Variants in SLC10A1 observed in about 807,000 individuals in gnomAD.
The protein encoded by SLC10A1 is solute carrier family 10 member 1, also known as hepatic sodium/bile acid cotransporter.
In SLC10A1, 36 loss-of-function variants were observed where a neutral mutation model predicts 20.5. That is an observed-to-expected ratio of 1.75 (90% CI 1.34 to 2.32). SLC10A1 has a LOEUF of 2.32. Ranked by LOEUF, SLC10A1 falls within the 30% of genes most tolerant of loss-of-function variation. The pLI, the probability that SLC10A1 is intolerant of heterozygous loss-of-function variation, is 0.00. For missense variants in SLC10A1, 545 were observed against 439.1 expected, an observed-to-expected ratio of 1.24 and a Z score of -2.16; for synonymous variants, 188 against 163.6, an observed-to-expected ratio of 1.15 and a Z score of -1.14.
Position 69,778,246 on chromosome 14 carries a change from A to G in SLC10A1, c.943+87T>C, listed in dbSNP as rs184256001. 3.5e-5 allele frequency: 41 copies of G among 1,180,804 alleles called. No individual in the cohort carries two copies. In the Admixed American group the frequency reaches 5.9e-4, roughly 17 times the overall value. The allele number at this position is 1,180,804 out of a possible 1,614,324, so 73.1% of individuals were successfully genotyped here. A position where few individuals can be genotyped will look rare whatever the true frequency, so the allele number is the denominator to read the frequency against. On this transcript the variant is annotated intron_variant, in intron 4 of 4. Transcript: ENST00000216540. The stretch of plus-strand genomic sequence containing the variant: ...TTGATAAGAGTTAAAGCCCTATCCA[A>G]AAAGTCCCTGCTAGAAACTTGCTTG...
rs201749991 is a variant in SLC10A1, at chr14:69,779,181, C to G, written c.746+1G>C. ...TTCTTAAAAAAAAAAAAAATACCTA[C>G]CGTCCATTGAGGCAGAAGAGAGCAG... On this transcript the variant is annotated splice_donor_variant, in intron 3 of 4. Transcript: ENST00000216540. LOFTEE classifies it high-confidence loss of function. 1 of 1,580,406 alleles carries G rather than the reference C, an allele frequency of 6.3e-7. No individual in the cohort carries two copies. Among genetic ancestry groups the G allele is most frequent in the Non-Finnish European group, 8.6e-7 (1 of 1,167,106 alleles).
chr14:69,782,223 G>A (rs1883608015), intron 2 of SLC10A1, among the ~76,000 whole-genome samples: 2 of 152,182 alleles, frequency 1.3e-5, no homozygotes, highest in Non-Finnish European at 2.9e-5. Context: ...GGGGCAAAAT[G>A]GGTCCAGGGC....
intron 2 of SLC10A1, among the ~76,000 whole-genome samples, chr14:69,784,888 C>G (rs1252260955): frequency 6.6e-6 from 1 of 152,132 alleles, no homozygotes; most frequent in Non-Finnish European, 1.5e-5. Context: ...GGAAGGGGAG[C>G]TGTGGCCATG....
At chr14:69,790,790 A>G (rs1355795968) in intron 1 of SLC10A1, among the ~76,000 whole-genome samples, 2 of 152,244 alleles carry the variant, frequency 1.3e-5, no homozygotes, top group Admixed American at 1.3e-4. Flanking sequence ...TAGTAAGCAC[A>G]GCAAAACAAG....
rs199771927 is a variant in SLC10A1 at position 69,786,105 on chromosome 14, C to G, written c.559G>C (p.Val187Leu). 19 of 1,614,082 alleles carry G rather than the reference C, an allele frequency of 1.2e-5. No individual in the cohort carries two copies. Among genetic ancestry groups the G allele is most frequent in the Non-Finnish European group, 1.4e-5 (17 of 1,179,962 alleles). ...GCCTCCCAGGTTCTTACCTTGATGA[C>G]ATAGCGCATGTATTGTGGCCGTTTG... is the stretch of plus-strand genomic sequence containing the variant. ...KSKRPQYMRY[V>L]IKGGMIIILL... The change falls in exon 2 of 5, where the codon GTC (valine) becomes CTC (leucine). Residue 187 changes from valine (V) to leucine (L), a missense_variant. Val to Leu is a conservative substitution (Grantham distance 32). Transcript: ENST00000216540.
chr14:69,775,769 A>C lies in SLC10A1; in HGVS notation c.*513T>G, dbSNP rs913670544. 5.9e-5 allele frequency: 9 copies of C among 152,520 alleles called. No homozygotes were observed. Among genetic ancestry groups the C allele is most frequent in the Admixed American group, 4.6e-4 (7 of 15,320 alleles). 9.4% of individuals were successfully genotyped at this position (152,520 alleles called of 1,614,324 possible). A position where few individuals can be genotyped will look rare whatever the true frequency, so the allele number is the denominator to read the frequency against. On this transcript the variant is annotated 3_prime_UTR_variant, in exon 5 of 5. Coordinates refer to ENST00000216540, the MANE Select transcript of SLC10A1 (RefSeq NM_003049.4). ...GTTCACTTTTGCATACTTGATGTCA[A>C]ATTTGACTTTTCGGGAGCATCATCC...
rs56878770 is a variant in SLC10A1 at position 69,797,194 on chromosome 14, G to A, written c.-39C>T. On this transcript the variant is annotated 5_prime_UTR_variant, in exon 1 of 5. Transcript: ENST00000216540. ...AGTGGAAGACCACTCCTTGTTCTCC[G>A]GCTGACTCCGTTTCTTGTGCAGTTC... 3.3e-3 allele frequency: 5,115 copies of A among 1,535,392 alleles called. 119 individuals are homozygous for A. The African/African-American group carries it at 0.054, about 16-fold the overall frequency.
chr14:69,778,225 TAA>T, intron 4 of SLC10A1, 106 bp downstream of exon 4: 1 of 865,410 alleles, frequency 1.2e-6, no homozygotes, highest in Non-Finnish European at 1.8e-6. Context: ...AGTGACTTGA[TAA>T]GAGTTAAAGC....
chr14:69,781,581 CAAAG>C (rs920116952), intron 2 of SLC10A1, among the ~76,000 whole-genome samples: 1 of 152,160 alleles, frequency 6.6e-6, no homozygotes, highest in African/African-American at 2.4e-5. Flanking sequence ...AGTTGTAAGA[CAAAG>C]GAGAGTTAGG....
chr14:69,778,229 A>G, intron 4 of SLC10A1, 104 bp downstream of exon 4: 1 of 925,114 alleles, frequency 1.1e-6, no homozygotes, highest in Non-Finnish European at 1.6e-6. Context: ...ACTTGATAAG[A>G]GTTAAAGCCC....
rs140035207 is a variant in SLC10A1 at position 69,795,400 on chromosome 14, C to CTTT, written c.356+1397_356+1399dup. Among the ~76,000 whole-genome samples, 420 of 128,812 alleles carry CTTT rather than the reference C, an allele frequency of 3.3e-3. 7 individuals are homozygous for CTTT. The highest frequency in any genetic ancestry group is 0.012 in the African/African-American group (385 of 33,040). 84.5% of individuals were successfully genotyped at this position (128,812 alleles called of 152,430 possible). A position where few individuals can be genotyped will look rare whatever the true frequency, so the allele number is the denominator to read the frequency against. ...TCATTCACTCTCACTTTTTTATTTC[C>CTTT]TTTTTTTTTTTTTTTTTGAGAGAGA... On this transcript the variant is annotated intron_variant, in intron 1 of 4. Coordinates refer to ENST00000216540, the MANE Select transcript of SLC10A1 (RefSeq NM_003049.4).
intron 2 of SLC10A1, 102 bp from the exon 3 acceptor site, chr14:69,779,462 A>G (rs1383705233): frequency 2.5e-6 from 2 of 801,730 alleles, no homozygotes; most frequent in Non-Finnish European, 3.9e-6. Context: ...ACATTGCAAT[A>G]AAACACTGGA....
In SLC10A1 at chr14:69,775,546, G is replaced by A. The variant is rs1362891397; in HGVS notation, c.*736C>T. 1.3e-5 allele frequency: 2 copies of A among 152,116 alleles called. No homozygotes were observed. Among genetic ancestry groups the A allele is most frequent in the Non-Finnish European group, 2.9e-5 (2 of 68,018 alleles). 9.4% of individuals were successfully genotyped at this position (152,116 alleles called of 1,614,324 possible). ...GTTTGCTGTACCCAGTTTTGGGGGC[G>A]CCTTGTGTTAAAACCAAATACCTAC... is the stretch of plus-strand genomic sequence containing the variant. On this transcript the variant is annotated 3_prime_UTR_variant, in exon 5 of 5. Coordinates refer to ENST00000216540, the MANE Select transcript of SLC10A1 (RefSeq NM_003049.4).
At chr14:69,777,553 G>C (rs1448894144) in intron 4 of SLC10A1, among the ~76,000 whole-genome samples, 1 of 126,934 alleles carries the variant, frequency 7.9e-6, no homozygotes, top group African/African-American at 2.8e-5. Context: ...AATGAAATGT[G>C]TTATAAAGTG....
chr14:69,785,270 C>A (rs544396380), intron 2 of SLC10A1, among the ~76,000 whole-genome samples: 3 of 152,330 alleles, frequency 2.0e-5, no homozygotes, highest in Non-Finnish European at 4.4e-5. Flanking sequence ...CTGTCTGTGA[C>A]CACAGTGCTT....
chr14:69,786,272 A>C lies in SLC10A1; in HGVS notation c.392T>G (p.Leu131Arg). ...GTACAGGAGGAGAGGCATCATGCCAAGGGCACAGAAGGTGGAGCAGGTGGT... is the reference window on the plus strand; with the variant it reads ...GTACAGGAGGAGAGGCATCATGCCACGGGCACAGAAGGTGGAGCAGGTGGT... ...VMTTCSTFCA[L>R]GMMPLLLYIY... Residue 131 changes from leucine to arginine, a missense_variant, in exon 2 of 5, where the codon CTT becomes CGT. Physicochemically the swap from Leu to Arg is moderately radical, Grantham distance 102. Transcript: ENST00000216540. 2 of 1,614,130 alleles carry C rather than the reference A, an allele frequency of 1.2e-6. No individual in the cohort carries two copies. Among genetic ancestry groups the C allele is most frequent in the Non-Finnish European group, 1.7e-6 (2 of 1,180,016 alleles).
chr14:69,778,569 A>G (rs1162238755), intron 3 of SLC10A1, 40 bp from the exon 4 acceptor site: 2 of 1,524,804 alleles, frequency 1.3e-6, no homozygotes, highest in African/African-American at 2.8e-5. Context: ...CTCAGAGGGA[A>G]CTGGAGGGAG....
At chr14:69,795,109 GAC>G (rs1882363751) in intron 1 of SLC10A1, among the ~76,000 whole-genome samples, 1 of 152,154 alleles carries the variant, frequency 6.6e-6, no homozygotes, top group Non-Finnish European at 1.5e-5. Flanking sequence ...GGATTCTTGG[GAC>G]ACACAGGCTG....
In SLC10A1 at chr14:69,786,123, G is replaced by T. The variant is rs1353374672; in HGVS notation, c.541C>A (p.Pro181Thr). 2 of 1,614,024 alleles carry T rather than the reference G, an allele frequency of 1.2e-6. No individual in the cohort carries two copies. Among genetic ancestry groups the T allele is most frequent in the African/African-American group, 2.7e-5 (2 of 74,896 alleles). Residue 181 changes from proline (P) to threonine (T), a missense_variant, in exon 2 of 5, where the codon CCA (proline) becomes ACA (threonine). Transcript: ENST00000216540. Reference protein sequence around the residue: ...TIGIVLKSKRPQYMRYVIKGG... With the variant: ...TIGIVLKSKRTQYMRYVIKGG... Reference sequence around the variant, plus strand: ...TTGATGACATAGCGCATGTATTGTGGCCGTTTGGATTTGAGGACGATCCCT... The same window carrying T: ...TTGATGACATAGCGCATGTATTGTGTCCGTTTGGATTTGAGGACGATCCCT...
Sources: allele counts gnomAD v4.1 joint callset (sites outside exome capture counted in the v4.1 genomes callset), GRCh38; gene constraint gnomAD v4.1.1; transcripts MANE v1.5; gene names NCBI Gene and HGNC (gene_info 2026-07-23, HGNC 2026-07-21).